Variants in HOXC5 observed in about 807,000 individuals in gnomAD.
HOXC5 encodes the protein homeobox C5, also known as homeobox protein Hox-C5.
Under a neutral mutation model 20.1 loss-of-function variants are expected in HOXC5, and 19 were observed. The ratio of observed to expected loss-of-function variants is 0.94; its 90% CI spans 0.66 to 1.38. The LOEUF (loss-of-function observed/expected upper bound fraction) is 1.38. Among genes scored for constraint, HOXC5 ranks in the 40% most tolerant of loss-of-function variants. The pLI is 0.00. For missense variants in HOXC5, 330 were observed against 300.1 expected, an observed-to-expected ratio of 1.10 and a Z score of -0.74; for synonymous variants, 124 against 117.0, an observed-to-expected ratio of 1.06 and a Z score of -0.39.
chr12:54,028,768 A>G (rs761655147), upstream of HOXC5: 4 of 1,614,022 alleles, frequency 2.5e-6, no homozygotes, highest in African/African-American at 4.0e-5. Context: ...GGAGAAAGAC[A>G]TGCTCTCAAA....
At chr12:54,028,299 A>G, upstream of HOXC5, 1 of 401,142 alleles carries the variant, frequency 2.5e-6, no homozygotes, top group Non-Finnish European at 4.4e-6. Flanking sequence ...CTTACTTTCA[A>G]AGCACACACT....
upstream of HOXC5, chr12:54,029,942 G>A (rs746073698): frequency 1.3e-6 from 2 of 1,588,856 alleles, no homozygotes; most frequent in Non-Finnish European, 1.7e-6. Context: ...AGAGACAGAA[G>A]AGGAGAAGCA....
the HOXC5 span, chr12:54,021,823 C>T: frequency 6.6e-6 from 1 of 152,356 alleles, no homozygotes. Flanking sequence ...CTTGTTTTGT[C>T]TGCTGCCACC....
chr12:54,018,397 GTCC>G, the HOXC5 span, among the ~76,000 whole-genome samples: 2 of 152,218 alleles, frequency 1.3e-5, no homozygotes, highest in Admixed American at 6.5e-5. Flanking sequence ...GACAGGCCCA[GTCC>G]TCCTGGTAGA....
the HOXC5 span, among the ~76,000 whole-genome samples, chr12:54,024,356 C>G: frequency 6.6e-6 from 1 of 152,102 alleles, no homozygotes; most frequent in African/African-American, 2.4e-5. Context: ...CCCGAGCAGC[C>G]TCAGGAGGCA....
chr12:54,034,557 C>A lies in HOXC5; in HGVS notation c.*65C>A. The A allele has an allele frequency of 7.4e-7, 1 of 1,354,658 alleles. No homozygotes were observed. Among genetic ancestry groups the A allele is most frequent in the Non-Finnish European group, 1.0e-6 (1 of 959,482 alleles). The allele number at this position is 1,354,658 out of a possible 1,614,324, so 83.9% of individuals were successfully genotyped here. ...TTCCTGTCCCTGCGCCTTTCCTTTT[C>A]GCCTTTCCTCTCTATATTTCGGGTC... On this transcript the variant is annotated 3_prime_UTR_variant, in exon 2 of 2. Coordinates refer to ENST00000312492, the MANE Select transcript of HOXC5 (RefSeq NM_018953.4).
the HOXC5 span, among the ~76,000 whole-genome samples, chr12:54,018,418 A>T: frequency 1.3e-5 from 2 of 152,054 alleles, no homozygotes; most frequent in African/African-American, 4.8e-5. Context: ...AGAGTCTCCT[A>T]GGTGCTGTGG....
At chr12:54,020,777 G>T in the HOXC5 span, 2 of 152,160 alleles carry the variant, frequency 1.3e-5, no homozygotes, top group African/African-American at 4.8e-5. Flanking sequence ...CACTGGAATC[G>T]GAGTATGCGG....
At chr12:54,028,259 ATATATATATT>A (rs200007816), upstream of HOXC5, 997 of 168,380 alleles carry the variant, frequency 5.9e-3, 5 homozygotes, top group Middle Eastern at 0.019. Flanking sequence ...ATATATATAT[ATATATATATT>A]TTTTAAAAGA....
the HOXC5 span, chr12:54,022,461 T>C: frequency 1.3e-5 from 2 of 152,138 alleles, no homozygotes; most frequent in Admixed American, 1.3e-4. Context: ...TAAAAGAGTA[T>C]CATTGAAGTA....
chr12:54,034,417 G>C lies in HOXC5; in HGVS notation c.594G>C (p.Gln198His), dbSNP rs1461944280. Residue 198 changes from glutamine (Q) to histidine (H), a missense_variant, in exon 2 of 2, where the codon CAG becomes CAC. Transcript: ENST00000312492. ...ACAACTTGTGTCTCAATGAGAGACA[G>C]ATCAAGATCTGGTTCCAGAACCGCA... ...IANNLCLNER[Q>H]IKIWFQNRRM... The C allele has an allele frequency of 6.2e-7, 1 of 1,614,208 alleles. No homozygotes were observed. Among genetic ancestry groups the C allele is most frequent in the Non-Finnish European group, 8.5e-7 (1 of 1,179,982 alleles).
At chr12:54,028,808 C>CA, upstream of HOXC5, 1 of 1,614,182 alleles carries the variant, frequency 6.2e-7, no homozygotes, top group Non-Finnish European at 8.5e-7. Flanking sequence ...GGACATAACA[C>CA]ACAGACCTCA....
Position 54,034,689 on chromosome 12 carries a change from C to T in HOXC5, c.*197C>T, listed in dbSNP as rs1473093251. On this transcript the variant is annotated 3_prime_UTR_variant, in exon 2 of 2. Coordinates refer to ENST00000312492, the MANE Select transcript of HOXC5 (RefSeq NM_018953.4). ...CAGGGTTCCCGCGGGGCTGTCGGCG[C>T]TGCCCCATCTCCCCTCAGCTCGGCT... 15 of 577,326 alleles carry T rather than the reference C, an allele frequency of 2.6e-5. No individual in the cohort carries two copies. The highest frequency in any genetic ancestry group is 4.3e-5 in the Non-Finnish European group (14 of 324,534). The allele number at this position is 577,326 out of a possible 1,614,324, so 35.8% of individuals were successfully genotyped here.
chr12:54,034,334 G>T lies in HOXC5; in HGVS notation c.511G>T (p.Glu171Ter). ...SYTRYQTLEL[E>*]KEFHFNRYLT... ...CACGCGCTACCAGACTCTGGAACTC[G>T]AGAAAGAATTCCACTTTAACCGCTA... Residue 171 changes from glutamate (E) to a stop codon, truncating the protein, a stop_gained, in exon 2 of 2, where the codon GAG becomes TAG. Coordinates refer to ENST00000312492, the MANE Select transcript of HOXC5 (RefSeq NM_018953.4). LOFTEE classifies it high-confidence loss of function. 6.2e-7 allele frequency: 1 copy of T among 1,614,190 alleles called. No individual in the cohort carries two copies. The highest frequency in any genetic ancestry group is 1.7e-5 in the Admixed American group (1 of 60,032).
intron 1 of HOXC5, 116 bp downstream of exon 1, chr12:54,033,692 G>A: frequency 2.2e-6 from 2 of 913,298 alleles, no homozygotes; most frequent in Admixed American, 2.9e-5. Context: ...GGCATCAATG[G>A]CTCGTAAAAC....
chr12:54,029,687 C>G, upstream of HOXC5: 1 of 1,613,848 alleles, frequency 6.2e-7, no homozygotes, highest in Non-Finnish European at 8.5e-7. Context: ...GAGGCGCGGC[C>G]GCCAGATCTA....
the HOXC5 span, among the ~76,000 whole-genome samples, chr12:54,019,141 C>A: frequency 6.6e-6 from 1 of 150,804 alleles, no homozygotes; most frequent in African/African-American, 2.4e-5. Context: ...GGTATTCTCC[C>A]GCGGGAAGAA....
At chr12:54,027,312 G>A in the HOXC5 span, among the ~76,000 whole-genome samples, 1 of 152,212 alleles carries the variant, frequency 6.6e-6, no homozygotes, top group Non-Finnish European at 1.5e-5. Flanking sequence ...AAGCCTCATA[G>A]CTCAGGTCCA....
At chr12:54,024,962 T>G in the HOXC5 span, among the ~76,000 whole-genome samples, 2 of 152,236 alleles carry the variant, frequency 1.3e-5, no homozygotes, top group Admixed American at 6.5e-5. Context: ...CTGTGTTTTT[T>G]GAATTCTGTT....
Sources: gnomAD v4.1 joint callset for allele counts (sites outside exome capture counted in the v4.1 genomes callset) on GRCh38, gnomAD v4.1.1 for gene constraint, MANE v1.5 for transcripts, NCBI Gene and HGNC (gene_info 2026-07-23, HGNC 2026-07-21) for gene names.